Variants in CRB3 observed in about 807,000 individuals in gnomAD.
CRB3 encodes protein crumbs homolog 3.
Under a neutral mutation model 10.4 loss-of-function variants are expected in CRB3, and 4 were observed. The observed-to-expected ratio is 0.39, with a 90% CI of 0.19 to 0.88. The LOEUF is 0.88. Ranked by LOEUF, CRB3 falls within the 40% of genes least tolerant of loss-of-function variation. The pLI, the probability that CRB3 is intolerant of heterozygous loss-of-function variation, is 0.39. For synonymous variants in CRB3, 74 were observed against 73.4 expected, an observed-to-expected ratio of 1.01 and a Z score of -0.04; for missense variants, 154 against 160.2, an observed-to-expected ratio of 0.96 and a Z score of 0.21.
At position 6,467,032 on chromosome 19, in the gene CRB3, C is replaced by T. The variant is rs1033642626; in HGVS notation, c.*360C>T. ...CTGCCTGCCCATCTAGGTCCCCTCT[C>T]CTGCATCTGTCTCCCTTCATTGCTG... On this transcript the variant is annotated 3_prime_UTR_variant, in exon 4 of 4. Coordinates refer to ENST00000600229, the MANE Select transcript of CRB3 (RefSeq NM_139161.5). 7.4e-6 allele frequency: 12 copies of T among 1,612,340 alleles called. No individual in the cohort carries two copies. The South Asian group carries it at 1.1e-4, about 15-fold the overall frequency.
chr19:6,464,916 T>G lies in CRB3; in HGVS notation c.82+133T>G. On this transcript the variant is annotated intron_variant, in intron 2 of 3. Coordinates refer to ENST00000600229, the MANE Select transcript of CRB3 (RefSeq NM_139161.5). The surrounding 1 kb of genome is among the most constrained non-coding windows in gnomAD (Gnocchi z 5.3). The stretch of plus-strand genomic sequence containing the variant: ...ATTGGGGAGCGGGGAAGAAATACCT[T>G]GGGGAGGGGTCTACAGGGTTAGGGC... The G allele has an allele frequency of 4.5e-6, 2 of 440,888 alleles. No homozygotes were observed. The highest frequency in any genetic ancestry group is 3.7e-6 in the Non-Finnish European group (1 of 267,288). The allele number at this position is 440,888 out of a possible 1,614,324, so 27.3% of individuals were successfully genotyped here. A position where few individuals can be genotyped will look rare whatever the true frequency, so the allele number is the denominator to read the frequency against.
chr19:6,464,625 C>CT lies in CRB3; in HGVS notation c.-77_-76insT. ...GTCCCCAGGTGCCCCGTCGCAGGTG[C>CT]CCCTGGCCGGAGATGCGGTAGGAGG... On this transcript the variant is annotated 5_prime_UTR_variant, in exon 2 of 4. Coordinates refer to ENST00000600229, the MANE Select transcript of CRB3 (RefSeq NM_139161.5). This position sits in a 1 kb window ranked among gnomAD's most constrained non-coding sequence, Gnocchi z 5.3. 1.1e-6 allele frequency: 1 copy of CT among 922,634 alleles called. No individual in the cohort carries two copies. Among genetic ancestry groups the CT allele is most frequent in the South Asian group, 5.6e-5 (1 of 17,800 alleles). 57.2% of individuals were successfully genotyped at this position (922,634 alleles called of 1,614,324 possible). A position where few individuals can be genotyped will look rare whatever the true frequency, so the allele number is the denominator to read the frequency against.
intron 3 of CRB3, 124 bp downstream of exon 3, chr19:6,465,742 GA>G: frequency 1.2e-6 from 1 of 831,868 alleles, no homozygotes; most frequent in South Asian, 1.4e-5. Flanking sequence ...TGGCTTTGGA[GA>G]GCTCTAAGTA....
At position 6,466,938 on chromosome 19, in the gene CRB3, T is replaced by G. The variant is rs1265649386; in HGVS notation, c.*266T>G. 1 of 1,613,312 alleles carries G rather than the reference T, an allele frequency of 6.2e-7. No individual in the cohort carries two copies. Among genetic ancestry groups the G allele is most frequent in the Non-Finnish European group, 8.5e-7 (1 of 1,179,646 alleles). Reference sequence around the variant, plus strand: ...GTCCAGCAGGCCCCACAACCCCCTCTCCTTTCTTTCAGTTCTCCCATGCAG... The same window carrying G: ...GTCCAGCAGGCCCCACAACCCCCTCGCCTTTCTTTCAGTTCTCCCATGCAG... On this transcript the variant is annotated 3_prime_UTR_variant, in exon 4 of 4. Coordinates refer to ENST00000600229, the MANE Select transcript of CRB3 (RefSeq NM_139161.5). The surrounding 1 kb of genome is among the most constrained non-coding windows in gnomAD (Gnocchi z 4.9).
Position 6,467,083 on chromosome 19 carries a change from C to T in CRB3, c.*411C>T. 1.3e-6 allele frequency: 2 copies of T among 1,488,020 alleles called. No homozygotes were observed. The highest frequency in any genetic ancestry group is 1.9e-6 in the Non-Finnish European group (2 of 1,069,806). 92.2% of individuals were successfully genotyped at this position (1,488,020 alleles called of 1,614,324 possible). A position where few individuals can be genotyped will look rare whatever the true frequency, so the allele number is the denominator to read the frequency against. Reference sequence around the variant, plus strand: ...TGTGACCTTGGGGAAAGGCAGTGCCCTCTCTGGGCAGTCAGATCCACCCAG... The same window carrying T: ...TGTGACCTTGGGGAAAGGCAGTGCCTTCTCTGGGCAGTCAGATCCACCCAG... On this transcript the variant is annotated 3_prime_UTR_variant, in exon 4 of 4. Coordinates refer to ENST00000600229, the MANE Select transcript of CRB3 (RefSeq NM_139161.5).
In CRB3 at chr19:6,464,769, G is replaced by A. The variant is rs1418218068; in HGVS notation, c.68G>A (p.Arg23Gln). 2.4e-6 allele frequency: 3 copies of A among 1,268,820 alleles called. No individual in the cohort carries two copies. The highest frequency in any genetic ancestry group is 3.0e-6 in the Non-Finnish European group (3 of 1,005,474). 78.6% of individuals were successfully genotyped at this position (1,268,820 alleles called of 1,614,324 possible). A position where few individuals can be genotyped will look rare whatever the true frequency, so the allele number is the denominator to read the frequency against. ...GLPFLLARWG[R>Q]AWGQIQTTSA... ...CCGTTCCTGCTGGCCCGCTGGGGCC[G>A]AGCCTGGGGGCAAAGTAGGTACCAG... Residue 23 changes from arginine (R) to glutamine (Q), a missense_variant, in exon 2 of 4, where the codon CGA (arginine) becomes CAA (glutamine). Physicochemically the swap from Arg to Gln is conservative, Grantham distance 43. Coordinates refer to ENST00000600229, the MANE Select transcript of CRB3 (RefSeq NM_139161.5). The surrounding 1 kb of genome is among the most constrained non-coding windows in gnomAD (Gnocchi z 5.3).
In CRB3 at chr19:6,467,105, C is replaced by A; in HGVS notation, c.*433C>A. 1 of 1,263,080 alleles carries A rather than the reference C, an allele frequency of 7.9e-7. No individual in the cohort carries two copies. The highest frequency in any genetic ancestry group is 1.1e-6 in the Non-Finnish European group (1 of 873,718). 78.2% of individuals were successfully genotyped at this position (1,263,080 alleles called of 1,614,324 possible). A position where few individuals can be genotyped will look rare whatever the true frequency, so the allele number is the denominator to read the frequency against. On this transcript the variant is annotated 3_prime_UTR_variant, in exon 4 of 4. Coordinates refer to ENST00000600229, the MANE Select transcript of CRB3 (RefSeq NM_139161.5). Reference sequence around the variant, plus strand: ...GCCCTCTCTGGGCAGTCAGATCCACCCAGTGCTTAATAGCAGGGAAGAAGG... The same window carrying A: ...GCCCTCTCTGGGCAGTCAGATCCACACAGTGCTTAATAGCAGGGAAGAAGG...
intron 2 of CRB3, chr19:6,465,009 C>A: frequency 2.6e-6 from 1 of 381,852 alleles, no homozygotes; most frequent in Non-Finnish European, 4.6e-6. Flanking sequence ...CCTGAGTTCC[C>A]CAGCGAGGTG....
In CRB3 at chr19:6,466,443, T is replaced by G. The variant is rs2092794748; in HGVS notation, c.157-23T>G. 6.2e-7 allele frequency: 1 copy of G among 1,607,264 alleles called. No individual in the cohort carries two copies. The highest frequency in any genetic ancestry group is 8.5e-7 in the Non-Finnish European group (1 of 1,175,150). ...GACAGGCTACCCAGGCTCAGGTGAT[T>G]CACACCTGTCCCCTCTCTGCAGCGT... is the stretch of plus-strand genomic sequence containing the variant. On this transcript the variant is annotated intron_variant, in intron 3 of 3. Coordinates refer to ENST00000600229, the MANE Select transcript of CRB3 (RefSeq NM_139161.5). The surrounding 1 kb of genome is among the most constrained non-coding windows in gnomAD (Gnocchi z 4.9).
Position 6,467,147 on chromosome 19 carries a change from C to A in CRB3, c.*475C>A. 2 of 805,974 alleles carry A rather than the reference C, an allele frequency of 2.5e-6. No individual in the cohort carries two copies. The highest frequency in any genetic ancestry group is 4.0e-6 in the Non-Finnish European group (2 of 501,100). The allele number at this position is 805,974 out of a possible 1,614,324, so 49.9% of individuals were successfully genotyped here. A position where few individuals can be genotyped will look rare whatever the true frequency, so the allele number is the denominator to read the frequency against. ...GGAAGAAGGTACTTCAAAGACTCTG[C>A]CCCTGAGGTCAAGAGAGGATGGGGC... is the stretch of plus-strand genomic sequence containing the variant. On this transcript the variant is annotated 3_prime_UTR_variant, in exon 4 of 4. Transcript: ENST00000600229.
rs2092784746 is a variant in CRB3 at position 6,464,398 on chromosome 19, C to G, written c.-95+48C>G. On this transcript the variant is annotated intron_variant, in intron 1 of 3. Transcript: ENST00000600229. This position sits in a 1 kb window ranked among gnomAD's most constrained non-coding sequence, Gnocchi z 5.3. ...TAGGCCTGCCCCCTCGCCCGTCCAC[C>G]CTGCCCGTCCCGTCCCGTCCCGTCC... is the stretch of plus-strand genomic sequence containing the variant. 3.4e-6 allele frequency: 1 copy of G among 297,482 alleles called. No individual in the cohort carries two copies. The highest frequency in any genetic ancestry group is 2.2e-5 in the African/African-American group (1 of 46,220). 18.4% of individuals were successfully genotyped at this position (297,482 alleles called of 1,614,324 possible).
rs1396928727 is a variant in CRB3 at position 6,467,063 on chromosome 19, C to T, written c.*391C>T. The T allele has an allele frequency of 1.3e-6, 2 of 1,584,642 alleles. No individual in the cohort carries two copies. Among genetic ancestry groups the T allele is most frequent in the East Asian group, 2.2e-5 (1 of 44,582 alleles). On this transcript the variant is annotated 3_prime_UTR_variant, in exon 4 of 4. Transcript: ENST00000600229. ...TCTGTCTCCCTTCATTGCTGTGTGACCTTGGGGAAAGGCAGTGCCCTCTCT... is the reference window on the plus strand; with the variant it reads ...TCTGTCTCCCTTCATTGCTGTGTGATCTTGGGGAAAGGCAGTGCCCTCTCT...
chr19:6,464,775 G>T lies in CRB3; in HGVS notation c.74G>T (p.Trp25Leu). 1 of 1,268,952 alleles carries T rather than the reference G, an allele frequency of 7.9e-7. No individual in the cohort carries two copies. The highest frequency in any genetic ancestry group is 2.9e-5 in the East Asian group (1 of 34,464). 78.6% of individuals were successfully genotyped at this position (1,268,952 alleles called of 1,614,324 possible). The change falls in exon 2 of 4, where the codon TGG becomes TTG. Residue 25 changes from tryptophan (W) to leucine (L), a missense_variant. Transcript: ENST00000600229. This position sits in a 1 kb window ranked among gnomAD's most constrained non-coding sequence, Gnocchi z 5.3. ...PFLLARWGRA[W>L]GQIQTTSANE... ...CTGCTGGCCCGCTGGGGCCGAGCCT[G>T]GGGGCAAAGTAGGTACCAGCTGAGA...
chr19:6,465,417 T>C lies in CRB3; in HGVS notation c.83-128T>C, dbSNP rs541577599. 22 of 793,250 alleles carry C rather than the reference T, an allele frequency of 2.8e-5. No individual in the cohort carries two copies. The South Asian group carries it at 2.8e-4, about 10-fold the overall frequency. The allele number at this position is 793,250 out of a possible 1,614,324, so 49.1% of individuals were successfully genotyped here. On this transcript the variant is annotated intron_variant, in intron 2 of 3. Coordinates refer to ENST00000600229, the MANE Select transcript of CRB3 (RefSeq NM_139161.5). The stretch of plus-strand genomic sequence containing the variant: ...AGACACCCAACCATCTCTGTGCGAA[T>C]GAAAGGCAGAGTTTGAATTGGGACC...
In CRB3 at chr19:6,466,931, C is replaced by G; in HGVS notation, c.*259C>G. Reference sequence around the variant, plus strand: ...TCTGTGTGTCCAGCAGGCCCCACAACCCCCTCTCCTTTCTTTCAGTTCTCC... The same window carrying G: ...TCTGTGTGTCCAGCAGGCCCCACAAGCCCCTCTCCTTTCTTTCAGTTCTCC... On this transcript the variant is annotated 3_prime_UTR_variant, in exon 4 of 4. Coordinates refer to ENST00000600229, the MANE Select transcript of CRB3 (RefSeq NM_139161.5). This position sits in a 1 kb window ranked among gnomAD's most constrained non-coding sequence, Gnocchi z 4.9. 6.2e-7 allele frequency: 1 copy of G among 1,611,552 alleles called. No individual in the cohort carries two copies. The highest frequency in any genetic ancestry group is 1.1e-5 in the South Asian group (1 of 90,868).
intron 2 of CRB3, chr19:6,465,138 G>A: frequency 3.5e-6 from 1 of 286,542 alleles, no homozygotes; most frequent in Non-Finnish European, 6.5e-6. Context: ...GAGGAGGCCT[G>A]CCGAGCCGGG....
Position 6,466,691 on chromosome 19 carries a change from GCCA to G in CRB3, c.*23_*25del. 6.3e-7 allele frequency: 1 copy of G among 1,595,270 alleles called. No individual in the cohort carries two copies. The highest frequency in any genetic ancestry group is 1.1e-5 in the South Asian group (1 of 90,610). ...CATCTGAACGCTGGGGCCTGCTGCA[GCCA>G]CCAACACTGCCCAGGACTGCGGGTT... On this transcript the variant is annotated 3_prime_UTR_variant, in exon 4 of 4. Coordinates refer to ENST00000600229, the MANE Select transcript of CRB3 (RefSeq NM_139161.5). This position sits in a 1 kb window ranked among gnomAD's most constrained non-coding sequence, Gnocchi z 4.9.
At position 6,466,386 on chromosome 19, in the gene CRB3, G is replaced by C. The variant is rs993158058; in HGVS notation, c.157-80G>C. 10 of 1,131,584 alleles carry C rather than the reference G, an allele frequency of 8.8e-6. No individual in the cohort carries two copies. The highest frequency in any genetic ancestry group is 1.2e-5 in the Non-Finnish European group (9 of 754,784). 70.1% of individuals were successfully genotyped at this position (1,131,584 alleles called of 1,614,324 possible). A position where few individuals can be genotyped will look rare whatever the true frequency, so the allele number is the denominator to read the frequency against. On this transcript the variant is annotated intron_variant, in intron 3 of 3. Coordinates refer to ENST00000600229, the MANE Select transcript of CRB3 (RefSeq NM_139161.5). This position sits in a 1 kb window ranked among gnomAD's most constrained non-coding sequence, Gnocchi z 4.9. The stretch of plus-strand genomic sequence containing the variant: ...GTGTGTGTGTGTTGTGGGGTAGGGG[G>C]TGATGAGGGGGATGCCATTCAGGTG...
intron 2 of CRB3, chr19:6,465,343 G>C (rs1451765468): frequency 3.2e-6 from 2 of 616,746 alleles, no homozygotes; most frequent in Non-Finnish European, 5.9e-6. Flanking sequence ...GGACTGGGTC[G>C]GGGGGGTGTC....
Sources: allele counts gnomAD v4.1 joint callset, GRCh38; gene constraint gnomAD v4.1.1; non-coding constraint Gnocchi (gnomAD v3.1); transcripts MANE v1.5; gene names NCBI Gene and HGNC (gene_info 2026-07-23, HGNC 2026-07-21).